The following CEP128 variants were observed in gnomAD, a reference collection of about 807,000 sequenced individuals.
CEP128 encodes the protein centrosomal protein 128.
A neutral mutation model predicts 156.7 loss-of-function variants in CEP128; 132 were observed. The ratio of observed to expected loss-of-function variants is 0.84; its 90% CI spans 0.73 to 0.97. The LOEUF (loss-of-function observed/expected upper bound fraction) is 0.97, where lower values mean the gene tolerates loss of function less well. Ranked by LOEUF, CEP128 falls within the 50% of genes least tolerant of loss-of-function variation. The probability of loss-of-function intolerance (pLI) is 0.00; values close to 1 mark genes in which losing one functional copy is unlikely to be tolerated. For synonymous variants in CEP128, 469 were observed against 448.9 expected, an observed-to-expected ratio of 1.04 and a Z score of -0.57; for missense variants, 1,252 against 1,281.9, an observed-to-expected ratio of 0.98 and a Z score of 0.36.
intron 8 of CEP128, among the ~76,000 whole-genome samples, chr14:80,863,092 C>A (rs1051114053): frequency 6.6e-6 from 1 of 152,118 alleles, no homozygotes; most frequent in Non-Finnish European, 1.5e-5. Flanking sequence ...ATAATCGACA[C>A]CTGGATCCCA....
intron 16 of CEP128, among the ~76,000 whole-genome samples, chr14:80,770,653 A>C (rs1295248130): frequency 2.0e-5 from 3 of 152,204 alleles, no homozygotes; most frequent in Non-Finnish European, 4.4e-5. Context: ...GAAGATGGGA[A>C]TCTTACAGGA....
intron 14 of CEP128, among the ~76,000 whole-genome samples, chr14:80,478,790 A>G (rs1314082352): frequency 6.6e-6 from 1 of 152,262 alleles, no homozygotes; most frequent in Non-Finnish European, 1.5e-5. Flanking sequence ...AGATATGCTT[A>G]TAACAATATA....
At chr14:80,855,022 G>A (rs1887075387) in intron 9 of CEP128, among the ~76,000 whole-genome samples, 1 of 152,130 alleles carries the variant, frequency 6.6e-6, no homozygotes, top group African/African-American at 2.4e-5. Context: ...ATTAAAGCTG[G>A]TTAAAAGAAT....
intron 9 of CEP128, among the ~76,000 whole-genome samples, chr14:80,860,189 G>A (rs559008178): frequency 2.1e-4 from 32 of 152,088 alleles, no homozygotes; most frequent in Non-Finnish European, 2.5e-4. Context: ...ATTTAACATG[G>A]GAGCAGGAAA....
At chr14:80,659,694 T>G (rs1424580543) in intron 19 of CEP128, among the ~76,000 whole-genome samples, 1 of 152,160 alleles carries the variant, frequency 6.6e-6, no homozygotes, top group African/African-American at 2.4e-5. Flanking sequence ...TTTTAACCAA[T>G]AGCAGAGGCC....
chr14:80,851,329 T>G (rs1886876878), intron 9 of CEP128, among the ~76,000 whole-genome samples: 3 of 152,070 alleles, frequency 2.0e-5, no homozygotes, highest in African/African-American at 7.2e-5. Context: ...AGTAATATGA[T>G]ACATGACAGT....
At chr14:80,616,849 A>G (rs1243265967) in intron 19 of CEP128, among the ~76,000 whole-genome samples, 1 of 152,222 alleles carries the variant, frequency 6.6e-6, no homozygotes, top group Non-Finnish European at 1.5e-5. Context: ...GAGATCATGT[A>G]GTTTAAAAAC....
At chr14:80,647,011 A>ATATATATATATATATATG (rs1233103116) in intron 19 of CEP128, among the ~76,000 whole-genome samples, 24 of 72,524 alleles carry the variant, frequency 3.3e-4, no homozygotes, top group South Asian at 1.4e-3. Flanking sequence ...ATATATATAT[A>ATATATATATATATATATG]TGTGTGTGTA....
Position 80,895,795 on chromosome 14 carries a change from G to GAATAAA in CEP128, c.573-6_573-5insTTTATT. 1.9e-6 allele frequency: 2 copies of GAATAAA among 1,058,188 alleles called. No homozygotes were observed. Among genetic ancestry groups the GAATAAA allele is most frequent in the Non-Finnish European group, 1.2e-6 (1 of 832,656 alleles). 65.5% of individuals were successfully genotyped at this position (1,058,188 alleles called of 1,614,324 possible). ...CTTTTTGTTTCGGCATCTGACCTAGGAAGAAAAAAAAAAAAAAGATTTAAA... is the reference window on the plus strand; with the variant it reads ...CTTTTTGTTTCGGCATCTGACCTAGGAATAAAAAGAAAAAAAAAAAAAAGATTTAAA... On this transcript the variant is annotated splice_region_variant and splice_polypyrimidine_tract_variant and intron_variant, in intron 7 of 24. Coordinates refer to ENST00000555265, the MANE Select transcript of CEP128 (RefSeq NM_152446.5).
chr14:80,682,540 G>A (rs1896363951), intron 19 of CEP128, among the ~76,000 whole-genome samples: 1 of 152,202 alleles, frequency 6.6e-6, no homozygotes. Context: ...AATAATTCAA[G>A]AAACTGTCCC....
chr14:80,926,106 T>C (rs1423546635), intron 2 of CEP128, among the ~76,000 whole-genome samples: 2 of 152,130 alleles, frequency 1.3e-5, no homozygotes, highest in East Asian at 1.9e-4. Context: ...TGTGATATAA[T>C]CTTTAGTGGG....
chr14:80,817,608 C>T (rs558181239), intron 13 of CEP128, among the ~76,000 whole-genome samples: 27 of 152,190 alleles, frequency 1.8e-4, no homozygotes, highest in East Asian at 7.7e-4. Flanking sequence ...TGAGGCCGGG[C>T]GCAGTGGCTC....
At chr14:80,830,167 A>G (rs1194274656) in intron 13 of CEP128, 2 of 543,446 alleles carry the variant, frequency 3.7e-6, no homozygotes, top group Non-Finnish European at 6.6e-6. Flanking sequence ...CTCTGAGACA[A>G]TTTCAAGTAA....
At chr14:80,671,699 C>T (rs1441177466) in intron 19 of CEP128, among the ~76,000 whole-genome samples, 1 of 152,140 alleles carries the variant, frequency 6.6e-6, no homozygotes, top group East Asian at 1.9e-4. Flanking sequence ...ATTCACCACT[C>T]TTTTTGCAAG....
chr14:80,533,771 T>C lies in CEP128; in HGVS notation c.2881-2885A>G, dbSNP rs192785086. Among the ~76,000 whole-genome samples the C allele has an allele frequency of 2.1e-3, 315 of 152,306 alleles. 2 individuals carry two copies. Among genetic ancestry groups the C allele is most frequent in the African/African-American group, 7.3e-3 (303 of 41,564 alleles). ...ATTCCATTTATGCATTGCTTATAAA[T>C]ATCTTCCTCAATATCAGAAACACTT... On this transcript the variant is annotated intron_variant, in intron 21 of 24. Transcript: ENST00000555265.
At chr14:80,666,688 T>C (rs1895628008) in intron 19 of CEP128, among the ~76,000 whole-genome samples, 1 of 137,888 alleles carries the variant, frequency 7.3e-6, no homozygotes, top group Non-Finnish European at 1.5e-5. Flanking sequence ...AGTACTGTCC[T>C]CACAAAGCAT....
chr14:80,740,586 T>A (rs1057284706), intron 19 of CEP128, among the ~76,000 whole-genome samples: 10 of 152,152 alleles, frequency 6.6e-5, no homozygotes, highest in South Asian at 2.1e-4. Context: ...TCTTTCACTG[T>A]CTACTTTTTG....
At chr14:80,828,096 T>G (rs1188121997) in intron 13 of CEP128, among the ~76,000 whole-genome samples, 1 of 151,866 alleles carries the variant, frequency 6.6e-6, no homozygotes, top group Non-Finnish European at 1.5e-5. Context: ...TTTTCTACTT[T>G]ATTTTGGCCT....
chr14:80,773,602 A>G (rs1029677393), intron 16 of CEP128, among the ~76,000 whole-genome samples: 1 of 152,164 alleles, frequency 6.6e-6, no homozygotes, highest in Non-Finnish European at 1.5e-5. Context: ...TTTTAATTAC[A>G]TAGGGTGCAG....
Sources: gnomAD v4.1 joint callset for allele counts (sites outside exome capture counted in the v4.1 genomes callset) on GRCh38, gnomAD v4.1.1 for gene constraint, MANE v1.5 for transcripts, NCBI Gene and HGNC (gene_info 2026-07-23, HGNC 2026-07-21) for gene names.